Variants in MARCHF1 observed in about 807,000 individuals in gnomAD.
MARCHF1 encodes the protein membrane associated ring-CH-type finger 1.
MARCHF1 carries 40 observed loss-of-function variants against 54.2 expected under a neutral mutation model. The observed-to-expected ratio is 0.74, with a 90% CI of 0.57 to 0.96. The LOEUF is 0.96. Among genes scored for constraint, MARCHF1 ranks in the 40% least tolerant of loss-of-function variants. The pLI is 0.00. For synonymous variants in MARCHF1, 236 were observed against 236.3 expected (o/e 1.00, Z 0.01); for missense variants, 586 against 656.5 (o/e 0.89, Z 1.17).
At chr4:163,711,985 A>G (rs761610448) in intron 4 of MARCHF1, among the ~76,000 whole-genome samples, 1 of 152,132 alleles carries the variant, frequency 6.6e-6, no homozygotes, top group Non-Finnish European at 1.5e-5. Flanking sequence ...TGGAGGTATA[A>G]TCATATTTTA....
At chr4:163,783,161 T>A (rs924603701) in intron 4 of MARCHF1, among the ~76,000 whole-genome samples, 2 of 152,224 alleles carry the variant, frequency 1.3e-5, no homozygotes, top group Non-Finnish European at 2.9e-5. Context: ...TGTATAATGT[T>A]TAATTTTCAA....
At chr4:164,274,749 T>C (rs372612323) in intron 1 of MARCHF1, among the ~76,000 whole-genome samples, 5 of 134,678 alleles carry the variant, frequency 3.7e-5, no homozygotes, top group East Asian at 2.4e-4. Context: ...CGATCTCAGC[T>C]CACTGCAAGC....
chr4:164,120,069 T>C (rs1385836702), intron 1 of MARCHF1, among the ~76,000 whole-genome samples: 2 of 146,326 alleles, frequency 1.4e-5, no homozygotes, highest in African/African-American at 5.2e-5. Flanking sequence ...ATATATTTAG[T>C]TATAAAAAAT....
intron 2 of MARCHF1, among the ~76,000 whole-genome samples, chr4:164,020,138 T>C (rs1024392836): frequency 2.0e-5 from 3 of 152,190 alleles, no homozygotes; most frequent in Non-Finnish European, 4.4e-5. Context: ...CATCTTTTAT[T>C]GCCTCCAGTT....
intron 1 of MARCHF1, among the ~76,000 whole-genome samples, chr4:164,361,902 A>C (rs1730732973): frequency 1.3e-5 from 2 of 152,088 alleles, no homozygotes. Flanking sequence ...CAACAATTTT[A>C]ATCATGTATT....
intron 4 of MARCHF1, among the ~76,000 whole-genome samples, chr4:163,733,211 A>ATACACGTG (rs1745917259): frequency 2.4e-5 from 1 of 42,144 alleles, no homozygotes; most frequent in African/African-American, 5.7e-5. Context: ...ATATATATAT[A>ATACACGTG]TATATATATA....
chr4:163,650,301 A>G (rs1268737797), intron 5 of MARCHF1, among the ~76,000 whole-genome samples: 2 of 151,988 alleles, frequency 1.3e-5, no homozygotes, highest in Non-Finnish European at 2.9e-5. Flanking sequence ...CTACTTTATA[A>G]GTTAAAGGTT....
At chr4:163,641,728 GTCT>G (rs1002094424) in intron 5 of MARCHF1, among the ~76,000 whole-genome samples, 1 of 152,160 alleles carries the variant, frequency 6.6e-6, no homozygotes, top group Non-Finnish European at 1.5e-5. Context: ...TTCTATGCTA[GTCT>G]TCTTCTCTTT....
chr4:164,006,196 A>C (rs75742920), intron 2 of MARCHF1, among the ~76,000 whole-genome samples: 1,856 of 152,318 alleles, frequency 0.012, 26 homozygotes, highest in African/African-American at 0.039. Flanking sequence ...AGATTTAAGA[A>C]GACTCAGTGA....
intron 3 of MARCHF1, among the ~76,000 whole-genome samples, chr4:163,932,077 C>A (rs1579402090): frequency 6.6e-6 from 1 of 150,378 alleles, no homozygotes; most frequent in African/African-American, 2.4e-5. Context: ...ATCAACAAAA[C>A]AATGTACGTA....
In MARCHF1 at chr4:164,042,509, G is replaced by A. The variant is rs371122915; in HGVS notation, c.-247-53800C>T. The stretch of plus-strand genomic sequence containing the variant: ...ACACTCACTGTCATGAGAATAGCAT[G>A]GGAGAAATCCCCCTGTGATCCAATC... On this transcript the variant is annotated intron_variant, in intron 2 of 9. Transcript: ENST00000514618. Among the ~76,000 whole-genome samples, 112 of 152,216 alleles carry A rather than the reference G, an allele frequency of 7.4e-4. 2 individuals carry two copies. The South Asian group carries it at 0.023, about 31-fold the overall frequency.
chr4:164,156,803 T>C (rs192688861), intron 1 of MARCHF1, among the ~76,000 whole-genome samples: 181 of 152,326 alleles, frequency 1.2e-3, no homozygotes, highest in South Asian at 2.1e-3. Flanking sequence ...CTCCAGACTA[T>C]GCCCATGTAT....
At chr4:163,863,915 T>C (rs1251908618) in intron 3 of MARCHF1, among the ~76,000 whole-genome samples, 1 of 151,862 alleles carries the variant, frequency 6.6e-6, no homozygotes, top group Non-Finnish European at 1.5e-5. Context: ...CCAAACAAAA[T>C]AGCTCCACAA....
intron 4 of MARCHF1, among the ~76,000 whole-genome samples, chr4:163,786,290 A>C (rs1352578734): frequency 1.3e-5 from 2 of 151,906 alleles, no homozygotes; most frequent in Non-Finnish European, 2.9e-5. Flanking sequence ...ATGAATTAAA[A>C]TTAAATTGTG....
intron 9 of MARCHF1, among the ~76,000 whole-genome samples, chr4:163,545,001 TTC>T (rs1424542219): frequency 7.9e-5 from 12 of 152,218 alleles, no homozygotes; most frequent in Non-Finnish European, 1.5e-5. Flanking sequence ...CTCTTTTTGT[TTC>T]TGTTTTAAGT....
intron 1 of MARCHF1, among the ~76,000 whole-genome samples, chr4:164,374,980 G>A (rs1332245568): frequency 3.9e-5 from 6 of 152,086 alleles, no homozygotes; most frequent in African/African-American, 1.2e-4. Flanking sequence ...CTGACTTTGG[G>A]TTCCATGAAA....
At chr4:164,021,122 G>A (rs1291629842) in intron 2 of MARCHF1, among the ~76,000 whole-genome samples, 1 of 145,772 alleles carries the variant, frequency 6.9e-6, no homozygotes, top group Non-Finnish European at 1.5e-5. Context: ...CTGAGAGGCT[G>A]ACTTCTATGG....
At chr4:163,827,334 T>C (rs986375266) in intron 4 of MARCHF1, among the ~76,000 whole-genome samples, 1 of 152,052 alleles carries the variant, frequency 6.6e-6, no homozygotes, top group African/African-American at 2.4e-5. Flanking sequence ...TTTCAAAGAC[T>C]GAAGTCAAGC....
At chr4:163,625,308 A>G (rs1741831175) in intron 5 of MARCHF1, among the ~76,000 whole-genome samples, 1 of 152,114 alleles carries the variant, frequency 6.6e-6, no homozygotes, top group Admixed American at 6.6e-5. Context: ...TATCACCTGT[A>G]TTACTGTCTA....
Sources: allele counts gnomAD v4.1 joint callset (sites outside exome capture counted in the v4.1 genomes callset), GRCh38; gene constraint gnomAD v4.1.1; transcripts MANE v1.5; gene names NCBI Gene and HGNC (gene_info 2026-07-23, HGNC 2026-07-21).